POLR3A: variants seen among roughly 807,000 people sequenced by gnomAD.
POLR3A encodes RNA polymerase III subunit A.
A neutral mutation model predicts 152.8 loss-of-function variants in POLR3A; 112 were observed. That is an observed-to-expected ratio of 0.73 (90% CI 0.63 to 0.86). The LOEUF (loss-of-function observed/expected upper bound fraction) is 0.86. POLR3A is among the 40% of genes least tolerant of loss of function. The probability of loss-of-function intolerance (pLI) is 0.00; values close to 1 mark genes in which losing one functional copy is unlikely to be tolerated. For synonymous variants in POLR3A, 615 were observed against 652.1 expected (o/e 0.94, Z 0.87); for missense variants, 1,385 against 1,743.1 (o/e 0.79, Z 3.66).
chr10:77,988,915 AC>A (rs1829835752), intron 21 of POLR3A, among the ~76,000 whole-genome samples: 1 of 152,162 alleles, frequency 6.6e-6, no homozygotes, highest in African/African-American at 2.4e-5. Flanking sequence ...CAAGCCTTAG[AC>A]CCAGAAGGTT....
Position 78,004,702 on chromosome 10 carries a change from A to AGG in POLR3A, c.2247+12_2247+13dup. On this transcript the variant is annotated intron_variant, in intron 16 of 30. Transcript: ENST00000372371. Reference sequence around the variant, plus strand: ...ACGGCAAGTGGCGACCCTGAACCAAAGGGCCGGGCTCACCTCCAGGGTCTC... The same window carrying AGG: ...ACGGCAAGTGGCGACCCTGAACCAAAGGGGGCCGGGCTCACCTCCAGGGTCTC... The AGG allele has an allele frequency of 6.2e-7, 1 of 1,609,264 alleles. No individual in the cohort carries two copies. The highest frequency in any genetic ancestry group is 1.1e-5 in the South Asian group (1 of 90,904).
chr10:78,002,175 G>C (rs770871712), intron 17 of POLR3A, 22 bp downstream of exon 17: 4 of 1,469,562 alleles, frequency 2.7e-6, no homozygotes, highest in Non-Finnish European at 3.7e-6. Flanking sequence ...ACTGCCAGCA[G>C]GTGAGAGAGG....
chr10:77,993,132 G>C (rs1847265055), intron 20 of POLR3A, 65 bp downstream of exon 20: 1 of 1,217,476 alleles, frequency 8.2e-7, no homozygotes, highest in Non-Finnish European at 1.2e-6. Context: ...AGTCCAAACA[G>C]TACTTCCGTC....
chr10:77,990,014 A>C (rs1190068071), intron 21 of POLR3A, among the ~76,000 whole-genome samples: 1 of 152,210 alleles, frequency 6.6e-6, no homozygotes, highest in African/African-American at 2.4e-5. Context: ...TTCTTATTTA[A>C]GCTTCACTCG....
intron 19 of POLR3A, among the ~76,000 whole-genome samples, chr10:77,993,588 A>G (rs1847270267): frequency 6.6e-6 from 1 of 152,216 alleles, no homozygotes; most frequent in Admixed American, 6.5e-5. Flanking sequence ...CCAACCTCCA[A>G]CATTTTAGTG....
At position 78,021,534 on chromosome 10, in the gene POLR3A, G is replaced by A. The variant is rs1011177822; in HGVS notation, c.1185+12C>T. ...TTAAAACAAAGAATTGAGCAGCTGA[G>A]TGGTCACTTACCTTCTCAGGAAAAG... is the stretch of plus-strand genomic sequence containing the variant. On this transcript the variant is annotated intron_variant, in intron 8 of 30. Coordinates refer to ENST00000372371, the MANE Select transcript of POLR3A (RefSeq NM_007055.4). The A allele has an allele frequency of 1.2e-6, 2 of 1,613,634 alleles. No homozygotes were observed. Among genetic ancestry groups the A allele is most frequent in the South Asian group, 2.2e-5 (2 of 91,062 alleles).
intron 19 of POLR3A, among the ~76,000 whole-genome samples, chr10:77,997,780 T>C (rs1218834440): frequency 6.8e-6 from 1 of 146,504 alleles, no homozygotes; most frequent in East Asian, 2.1e-4. Flanking sequence ...CCAATGTCTT[T>C]CTTCACAAAT....
chr10:77,978,010 C>T (rs1215883780), intron 30 of POLR3A, among the ~76,000 whole-genome samples: 10 of 152,318 alleles, frequency 6.6e-5, no homozygotes, highest in East Asian at 3.9e-4. Context: ...GCTTCCTTAA[C>T]TTAGAGCCTC....
At position 78,000,985 on chromosome 10, in the gene POLR3A, T is replaced by G. The variant is rs559831042; in HGVS notation, c.2469A>C (p.Lys823Asn). The change falls in exon 18 of 31, where the codon AAA becomes AAC. Residue 823 changes from lysine (K) to asparagine (N), a missense_variant. Lys to Asn is a moderately conservative substitution (Grantham distance 94, BLOSUM62 0). Around this residue, in one of 7 missense-constraint regions of POLR3A, gnomAD observed 170 missense variants for 231.2 expected, o/e 0.74. Transcript: ENST00000372371. ...ATCTGCTACTGCTTACCTTTGAGTG[T>G]TTTTCAAAATGAGGCAAGGACCTGT... ...FENRSLPHFE[K>N]HSKLPAAKGF... 1.9e-6 allele frequency: 3 copies of G among 1,569,854 alleles called. No individual in the cohort carries two copies. The South Asian group carries it at 3.3e-5, about 17-fold the overall frequency.
chr10:77,982,468 C>G (rs1673088279), intron 27 of POLR3A, 150 bp from the exon 28 acceptor site: 3 of 921,768 alleles, frequency 3.3e-6, no homozygotes, highest in Non-Finnish European at 5.3e-6. Context: ...GTTCAGGGGA[C>G]TGCACCTCAT....
At chr10:78,024,744 GT>G (rs751037350) in intron 4 of POLR3A, 41 bp from the exon 5 acceptor site, 2 of 1,563,772 alleles carry the variant, frequency 1.3e-6, no homozygotes, top group Non-Finnish European at 1.8e-6. Flanking sequence ...AAAAAATTAT[GT>G]TCTCAGATTG....
chr10:78,017,017 C>T (rs993122461), intron 10 of POLR3A, among the ~76,000 whole-genome samples: 17 of 151,950 alleles, frequency 1.1e-4, no homozygotes, highest in African/African-American at 3.1e-4. Flanking sequence ...ATGAATATTA[C>T]GTTGCAAATA....
chr10:78,007,350 T>A (rs1345607017), intron 15 of POLR3A, among the ~76,000 whole-genome samples: 1 of 152,132 alleles, frequency 6.6e-6, no homozygotes, highest in Non-Finnish European at 1.5e-5. Flanking sequence ...TATTGAGTAA[T>A]CTTGGAGAAC....
At chr10:77,996,288 A>T (rs1014221114) in intron 19 of POLR3A, among the ~76,000 whole-genome samples, 2 of 152,228 alleles carry the variant, frequency 1.3e-5, no homozygotes, top group African/African-American at 4.8e-5. Flanking sequence ...AAAAGCTAGC[A>T]GAAGGCAAGA....
At position 78,021,637 on chromosome 10, in the gene POLR3A, C is replaced by A. The variant is rs1847580781; in HGVS notation, c.1094G>T (p.Gly365Val). The stretch of plus-strand genomic sequence containing the variant: ...GGGGTCGGGCGAGATGACTGTTCTG[C>A]CAGAAAAATCCACTCTCTTTCCTGA... ...NLSGKRVDFSGRTVISPDPNL... is the reference protein window; with the variant it reads ...NLSGKRVDFSVRTVISPDPNL... Residue 365 changes from glycine (G) to valine (V), a missense_variant, in exon 8 of 31, where the codon GGC becomes GTC. Gly to Val is a moderately radical substitution (Grantham distance 109). Coordinates refer to ENST00000372371, the MANE Select transcript of POLR3A (RefSeq NM_007055.4). The A allele has an allele frequency of 6.2e-7, 1 of 1,613,924 alleles. No individual in the cohort carries two copies. Among genetic ancestry groups the A allele is most frequent in the Non-Finnish European group, 8.5e-7 (1 of 1,179,982 alleles).
chr10:77,980,450 T>G (rs184479565), intron 29 of POLR3A, among the ~76,000 whole-genome samples, 177 bp from the exon 30 acceptor site: 31 of 152,122 alleles, frequency 2.0e-4, no homozygotes, highest in African/African-American at 7.5e-4. Flanking sequence ...TGGTCAATCG[T>G]CGGCAACATG....
chr10:78,024,372 A>C lies in POLR3A; in HGVS notation c.645+177T>G, dbSNP rs544443601. Among the ~76,000 whole-genome samples the C allele has an allele frequency of 7.0e-4, 85 of 122,072 alleles. No homozygotes were observed. In the South Asian group the frequency reaches 0.018, roughly 26 times the overall value. The allele number at this position is 122,072 out of a possible 152,430, so 80.1% of individuals were successfully genotyped here. Reference sequence around the variant, plus strand: ...GAGCGAGACTCTGTCTTCCATCTCAAAAAAAAAAAAAAAAAAAGGAATTAT... The same window carrying C: ...GAGCGAGACTCTGTCTTCCATCTCACAAAAAAAAAAAAAAAAAGGAATTAT... On this transcript the variant is annotated intron_variant, in intron 5 of 30. Coordinates refer to ENST00000372371, the MANE Select transcript of POLR3A (RefSeq NM_007055.4).
intron 10 of POLR3A, among the ~76,000 whole-genome samples, chr10:78,015,073 A>T (rs144028120): frequency 6.6e-6 from 1 of 152,340 alleles, no homozygotes; most frequent in African/African-American, 2.4e-5. Context: ...CTGAATATGA[A>T]CTAGGTATGG....
chr10:77,981,563 C>A lies in POLR3A; in HGVS notation c.3760-4G>T. ...CGATGCCCAGAGTTTTCTCCACCTA[C>A]AGAGAGCCAGTAATGAGCAGAAGCA... On this transcript the variant is annotated splice_region_variant and splice_polypyrimidine_tract_variant and intron_variant, in intron 28 of 30. Transcript: ENST00000372371. 1 of 1,614,002 alleles carries A rather than the reference C, an allele frequency of 6.2e-7. No individual in the cohort carries two copies. Among genetic ancestry groups the A allele is most frequent in the East Asian group, 2.2e-5 (1 of 44,850 alleles).
Sources: gnomAD v4.1 joint callset for allele counts (sites outside exome capture counted in the v4.1 genomes callset) on GRCh38, gnomAD v4.1.1 for gene constraint, gnomAD v4.1.1 regional missense constraint, MANE v1.5 for transcripts, NCBI Gene and HGNC (gene_info 2026-07-23, HGNC 2026-07-21) for gene names.